Variants in LSAMP observed in about 807,000 individuals in gnomAD.
LSAMP encodes the protein limbic system associated membrane protein.
LSAMP carries 7 observed loss-of-function variants against 38.6 expected under a neutral mutation model. The observed-to-expected ratio is 0.18, with a 90% CI of 0.10 to 0.34. The LOEUF is 0.34. LSAMP is among the 10% of genes least tolerant of loss of function. The probability of loss-of-function intolerance (pLI) is 1.00; values close to 1 mark genes in which losing one functional copy is unlikely to be tolerated. For synonymous variants in LSAMP, 154 were observed against 166.8 expected (o/e 0.92, Z 0.59); for missense variants, 313 against 420.0 (o/e 0.75, Z 2.23).
At chr3:115,974,526 T>C (rs1385215608) in intron 3 of LSAMP, among the ~76,000 whole-genome samples, 2 of 151,664 alleles carry the variant, frequency 1.3e-5, no homozygotes, top group African/African-American at 4.9e-5. Context: ...TTTTTCCAAA[T>C]AGGTTCTCAG....
chr3:115,858,546 T>G (rs921799565), intron 3 of LSAMP, among the ~76,000 whole-genome samples: 5 of 152,178 alleles, frequency 3.3e-5, no homozygotes, highest in Non-Finnish European at 4.4e-5. Context: ...AGCATCTCGG[T>G]AGATCAATCT....
chr3:116,106,354 AG>A (rs1365414792), intron 1 of LSAMP, among the ~76,000 whole-genome samples: 1 of 152,158 alleles, frequency 6.6e-6, no homozygotes, highest in Non-Finnish European at 1.5e-5. Context: ...AGAAGATAGT[AG>A]GGATGACAAG....
At chr3:115,989,577 A>G (rs950949960) in intron 3 of LSAMP, among the ~76,000 whole-genome samples, 1 of 152,024 alleles carries the variant, frequency 6.6e-6, no homozygotes. Context: ...TGTCTCCTCT[A>G]TAGTGCTAAA....
At chr3:115,920,717 T>C (rs1018472090) in intron 3 of LSAMP, among the ~76,000 whole-genome samples, 16 of 152,158 alleles carry the variant, frequency 1.1e-4, no homozygotes, top group Admixed American at 3.3e-4. Flanking sequence ...ATTTGGGCAA[T>C]AGTGTCTTTC....
intron 1 of LSAMP, among the ~76,000 whole-genome samples, chr3:116,170,634 T>C (rs971211341): frequency 6.6e-6 from 1 of 152,112 alleles, no homozygotes; most frequent in African/African-American, 2.4e-5. Flanking sequence ...TGGAAAGGGG[T>C]ATAATAACAA....
intron 1 of LSAMP, among the ~76,000 whole-genome samples, chr3:116,336,942 GCA>G (rs148798588): frequency 1.2e-4 from 18 of 149,948 alleles, no homozygotes; most frequent in South Asian, 2.1e-4. Flanking sequence ...ACTATATTTG[GCA>G]CACACACACA....
intron 3 of LSAMP, among the ~76,000 whole-genome samples, chr3:115,965,908 A>G (rs1205274008): frequency 6.6e-6 from 1 of 152,160 alleles, no homozygotes; most frequent in Non-Finnish European, 1.5e-5. Context: ...AGTTGTATGT[A>G]TGTATAAATT....
At chr3:116,245,996 T>A (rs1352827293) in intron 1 of LSAMP, among the ~76,000 whole-genome samples, 1 of 152,112 alleles carries the variant, frequency 6.6e-6, no homozygotes, top group Non-Finnish European at 1.5e-5. Flanking sequence ...GAAGAGCAAA[T>A]CAAAGAATAT....
intron 1 of LSAMP, among the ~76,000 whole-genome samples, chr3:116,321,386 C>T (rs2047703762): frequency 6.6e-6 from 1 of 151,916 alleles, no homozygotes; most frequent in Admixed American, 6.6e-5. Context: ...AAAACAAAAA[C>T]AAAAACAAAA....
chr3:116,374,420 TC>T (rs1331661789), intron 1 of LSAMP, among the ~76,000 whole-genome samples: 1 of 151,896 alleles, frequency 6.6e-6, no homozygotes, highest in African/African-American at 2.4e-5. Flanking sequence ...TTAGTACCTC[TC>T]TCCTATGAGT....
rs181228846 is a variant in LSAMP at position 116,001,984 on chromosome 3, C to T, written c.514+17531G>A. Among the ~76,000 whole-genome samples the T allele has an allele frequency of 2.8e-4, 42 of 152,268 alleles. No homozygotes were observed. In the East Asian group the frequency reaches 5.6e-3, roughly 20 times the overall value. ...ATTCTGTCTATCACCCTCCTCTTAA[C>T]GAACTTTTCATCACAATGTTATCCT... On this transcript the variant is annotated intron_variant, in intron 3 of 6. Transcript: ENST00000490035.
intron 1 of LSAMP, among the ~76,000 whole-genome samples, chr3:116,259,032 C>A (rs2046791849): frequency 6.6e-6 from 1 of 152,116 alleles, no homozygotes; most frequent in Admixed American, 6.6e-5. Context: ...CTTGACCCTA[C>A]CCAAGGATTG....
intron 3 of LSAMP, among the ~76,000 whole-genome samples, chr3:115,859,260 G>C (rs946118722): frequency 6.6e-6 from 1 of 152,172 alleles, no homozygotes; most frequent in African/African-American, 2.4e-5. Flanking sequence ...CTGATTGAAA[G>C]AAGGCAGGGA....
intron 1 of LSAMP, among the ~76,000 whole-genome samples, chr3:116,419,567 C>T (rs905362925): frequency 1.3e-5 from 2 of 152,032 alleles, no homozygotes; most frequent in Non-Finnish European, 2.9e-5. Context: ...CAAGATTCAG[C>T]GTACAAAGAT....
At chr3:116,287,945 A>G (rs929041874) in intron 1 of LSAMP, among the ~76,000 whole-genome samples, 6 of 152,180 alleles carry the variant, frequency 3.9e-5, no homozygotes, top group Non-Finnish European at 7.3e-5. Context: ...AGGAAGCATG[A>G]TATTTCCTCT....
intron 1 of LSAMP, among the ~76,000 whole-genome samples, chr3:116,380,690 G>C (rs2048547592): frequency 6.6e-6 from 1 of 151,872 alleles, no homozygotes; most frequent in South Asian, 2.1e-4. Flanking sequence ...AATGCATTCT[G>C]GACATTCTTC....
At chr3:116,047,627 A>G (rs1400434825) in intron 2 of LSAMP, among the ~76,000 whole-genome samples, 1 of 152,050 alleles carries the variant, frequency 6.6e-6, no homozygotes, top group Non-Finnish European at 1.5e-5. Context: ...TGACTTCAAG[A>G]CCCTGCCCCT....
At chr3:116,415,123 T>G (rs2049032082) in intron 1 of LSAMP, among the ~76,000 whole-genome samples, 1 of 152,120 alleles carries the variant, frequency 6.6e-6, no homozygotes, top group South Asian at 2.1e-4. Flanking sequence ...GAAGATGCTT[T>G]CAGATTTGTG....
intron 1 of LSAMP, among the ~76,000 whole-genome samples, chr3:116,197,656 A>G (rs1710924643): frequency 6.6e-6 from 1 of 152,142 alleles, no homozygotes; most frequent in African/African-American, 2.4e-5. Context: ...GTATCAAGCC[A>G]TCTATTTCAA....
Sources: allele counts gnomAD v4.1 joint callset (sites outside exome capture counted in the v4.1 genomes callset), GRCh38; gene constraint gnomAD v4.1.1; transcripts MANE v1.5; gene names NCBI Gene and HGNC (gene_info 2026-07-23, HGNC 2026-07-21).